The following RBFOX1 variants were observed in gnomAD, a reference collection of about 807,000 sequenced individuals.
RBFOX1 encodes RNA binding protein fox-1 homolog 1.
RBFOX1 carries 8 observed loss-of-function variants against 57.7 expected under a neutral mutation model. That is an observed-to-expected ratio of 0.14 (90% confidence interval 0.08 to 0.25). RBFOX1 has a LOEUF of 0.25. RBFOX1 is among the 10% of genes least tolerant of loss of function. The pLI is 1.00. For missense variants in RBFOX1, 611 were observed against 548.5 expected (o/e 1.11, Z -1.14); for synonymous variants, 326 against 222.4 (o/e 1.47, Z -4.15).
chr16:6,614,845 C>G (rs1472022491), intron 2 of RBFOX1, among the ~76,000 whole-genome samples: 1 of 152,212 alleles, frequency 6.6e-6, no homozygotes, highest in African/African-American at 2.4e-5. Flanking sequence ...CTCATCTTAA[C>G]TAATCACTTC....
chr16:5,806,833 G>A (rs185439368), intron 3 of RBFOX1, among the ~76,000 whole-genome samples: 124 of 152,284 alleles, frequency 8.1e-4, no homozygotes, highest in Non-Finnish European at 1.3e-3. Context: ...AAGCCTTCAC[G>A]TCGTCAGGGG....
chr16:6,618,888 C>G (rs1601698399), intron 2 of RBFOX1, among the ~76,000 whole-genome samples: 1 of 152,126 alleles, frequency 6.6e-6, no homozygotes, highest in Admixed American at 6.6e-5. Context: ...TTGTCCTCCC[C>G]TTAGATGAGG....
chr16:7,477,031 G>A (rs574205517), intron 4 of RBFOX1, among the ~76,000 whole-genome samples: 2 of 152,240 alleles, frequency 1.3e-5, no homozygotes, highest in South Asian at 2.1e-4. Flanking sequence ...CTTGCTGTCA[G>A]GCTGGAACCG....
chr16:6,378,015 G>A (rs1340684844), intron 2 of RBFOX1, among the ~76,000 whole-genome samples: 1 of 152,160 alleles, frequency 6.6e-6, no homozygotes, highest in Non-Finnish European at 1.5e-5. Flanking sequence ...AGGTGATCTA[G>A]TGTTCTTCCT....
Position 6,042,983 on chromosome 16 carries a change from G to A in RBFOX1, c.-127+22991G>A, listed in dbSNP as rs187688943. ...AATAAAATGCTTAGCCAGGCTTGGT[G>A]GCATGCACCTGTAGTCCCAGGTACT... On this transcript the variant is annotated intron_variant, in intron 1 of 15. Transcript: ENST00000550418. Among the ~76,000 whole-genome samples, 7 of 151,988 alleles carry A rather than the reference G, an allele frequency of 4.6e-5. No homozygotes were observed. In the South Asian group the frequency reaches 6.3e-4, roughly 14 times the overall value.
chr16:6,807,717 A>G lies in RBFOX1; in HGVS notation c.-16+153067A>G, dbSNP rs1436896027. On this transcript the variant is annotated intron_variant, in intron 3 of 15. Coordinates refer to ENST00000550418, the MANE Select transcript of RBFOX1 (RefSeq NM_018723.4). The stretch of plus-strand genomic sequence containing the variant: ...TGTAATCGGAGCTACTCGGGAGGCT[A>G]AGGCAGAAGAATCACTTGAATCCAG... Among the ~76,000 whole-genome samples, 5 of 152,002 alleles carry G rather than the reference A, an allele frequency of 3.3e-5. No homozygotes were observed. In the East Asian group the frequency reaches 9.7e-4, roughly 29 times the overall value.
At chr16:6,213,914 C>G (rs1229136480) in intron 1 of RBFOX1, among the ~76,000 whole-genome samples, 4 of 152,112 alleles carry the variant, frequency 2.6e-5, no homozygotes, top group East Asian at 3.9e-4. Context: ...AGCAGCATCC[C>G]AGCTCTCTAC....
chr16:5,416,850 T>G (rs548172181), intron 1 of RBFOX1, among the ~76,000 whole-genome samples: 13 of 152,258 alleles, frequency 8.5e-5, no homozygotes, highest in African/African-American at 3.1e-4. Flanking sequence ...AGGAGGGAAG[T>G]GTAGCGTTTG....
chr16:6,729,516 A>G (rs768225534), intron 3 of RBFOX1, among the ~76,000 whole-genome samples: 3 of 152,174 alleles, frequency 2.0e-5, no homozygotes, highest in Non-Finnish European at 4.4e-5. Flanking sequence ...AGACATAGAA[A>G]CAAAGAAGAT....
intron 2 of RBFOX1, among the ~76,000 whole-genome samples, chr16:6,324,529 C>T (rs1399476832): frequency 6.6e-6 from 1 of 152,088 alleles, no homozygotes; most frequent in Non-Finnish European, 1.5e-5. Context: ...AGAGCAGGAA[C>T]AAGAGAGGGA....
chr16:6,527,803 T>C (rs1367236451), intron 2 of RBFOX1, among the ~76,000 whole-genome samples: 1 of 152,104 alleles, frequency 6.6e-6, no homozygotes, highest in Non-Finnish European at 1.5e-5. Context: ...GCTGCCTCTG[T>C]AGGGTAGGGA....
intron 3 of RBFOX1, among the ~76,000 whole-genome samples, chr16:6,793,155 C>A (rs996219445): frequency 6.6e-6 from 1 of 151,958 alleles, no homozygotes; most frequent in African/African-American, 2.4e-5. Flanking sequence ...TTTTTAAGAA[C>A]CCAGAAATTA....
intron 4 of RBFOX1, among the ~76,000 whole-genome samples, chr16:7,330,472 C>CTGTGTGTGTGTGTGTG (rs71391624): frequency 2.1e-5 from 2 of 94,402 alleles, no homozygotes; most frequent in Non-Finnish European, 1.9e-5. Context: ...ATGGAGAGCT[C>CTGTGTGTGTGTGTGTG]TGTGTGTGTG....
chr16:7,002,307 T>C (rs2092891773), intron 3 of RBFOX1, among the ~76,000 whole-genome samples: 1 of 152,228 alleles, frequency 6.6e-6, no homozygotes, highest in South Asian at 2.1e-4. Context: ...TGCATTTTCT[T>C]GTATCCTCTA....
chr16:6,774,835 T>G (rs184163621), intron 3 of RBFOX1, among the ~76,000 whole-genome samples: 1 of 152,110 alleles, frequency 6.6e-6, no homozygotes, highest in South Asian at 2.1e-4. Context: ...ATGGGCCTAC[T>G]GAGCATTTGA....
chr16:6,315,561 A>G (rs1368255941), intron 1 of RBFOX1, among the ~76,000 whole-genome samples: 17 of 71,882 alleles, frequency 2.4e-4, no homozygotes, highest in Admixed American at 2.1e-3. Flanking sequence ...GGATGGATGG[A>G]TGGATGGATG....
chr16:6,446,731 A>C (rs1336240135), intron 2 of RBFOX1, among the ~76,000 whole-genome samples: 1 of 152,230 alleles, frequency 6.6e-6, no homozygotes, highest in Non-Finnish European at 1.5e-5. Flanking sequence ...TATATTTACT[A>C]TAAATGTTAT....
At chr16:6,632,706 G>C in intron 2 of RBFOX1, among the ~76,000 whole-genome samples, 1 of 152,200 alleles carries the variant, frequency 6.6e-6, no homozygotes, top group East Asian at 1.9e-4. Flanking sequence ...GTGCTTGCCA[G>C]GCCTAACCAA....
intron 3 of RBFOX1, among the ~76,000 whole-genome samples, chr16:6,852,238 A>C (rs2094111555): frequency 6.6e-6 from 1 of 152,122 alleles, no homozygotes; most frequent in African/African-American, 2.4e-5. Context: ...TGTAGTGGCT[A>C]CATGACTGCA....
Sources: allele counts gnomAD v4.1 joint callset (sites outside exome capture counted in the v4.1 genomes callset), GRCh38; gene constraint gnomAD v4.1.1; transcripts MANE v1.5; gene names NCBI Gene and HGNC (gene_info 2026-07-23, HGNC 2026-07-21).